Variants in CNTNAP2 observed in about 807,000 individuals in gnomAD.
The protein encoded by CNTNAP2 is contactin-associated protein-like 2.
Under a neutral mutation model 155.2 loss-of-function variants are expected in CNTNAP2, and 98 were observed. The ratio of observed to expected loss-of-function variants is 0.63; its 90% CI spans 0.54 to 0.75. CNTNAP2 has a LOEUF of 0.75. Among genes scored for constraint, CNTNAP2 ranks in the 30% least tolerant of loss-of-function variants. CNTNAP2 has a pLI of 0.00. For missense variants in CNTNAP2, 1,727 were observed against 1,688.1 expected, an observed-to-expected ratio of 1.02 and a Z score of -0.40; for synonymous variants, 651 against 631.2, an observed-to-expected ratio of 1.03 and a Z score of -0.47.
At chr7:146,418,677 C>T (rs1157220837) in intron 1 of CNTNAP2, among the ~76,000 whole-genome samples, 1 of 152,080 alleles carries the variant, frequency 6.6e-6, no homozygotes, top group Non-Finnish European at 1.5e-5. Flanking sequence ...TCACCTGTAA[C>T]CCCAGGAAAC....
intron 2 of CNTNAP2, among the ~76,000 whole-genome samples, chr7:146,800,892 C>T (rs1351113896): frequency 6.6e-6 from 1 of 151,768 alleles, no homozygotes; most frequent in African/African-American, 2.4e-5. Context: ...AATTTTTTCC[C>T]ACATGCAATG....
intron 1 of CNTNAP2, among the ~76,000 whole-genome samples, chr7:146,243,345 G>A (rs1443593796): frequency 6.6e-6 from 1 of 151,528 alleles, no homozygotes; most frequent in Non-Finnish European, 1.5e-5. Flanking sequence ...TTATATTTTT[G>A]CATTGCCATT....
At chr7:147,074,103 C>T (rs1437949115) in intron 4 of CNTNAP2, among the ~76,000 whole-genome samples, 1 of 152,130 alleles carries the variant, frequency 6.6e-6, no homozygotes, top group Non-Finnish European at 1.5e-5. Context: ...ATTCTATTCA[C>T]CCTGGCTGAA....
chr7:147,400,865 A>G (rs752144), intron 10 of CNTNAP2, among the ~76,000 whole-genome samples: 4,178 of 152,280 alleles, frequency 0.027, 190 homozygotes, highest in African/African-American at 0.095. Context: ...TCACTTATCT[A>G]AGTAATTATG....
At chr7:147,650,762 G>T (rs1795437752) in intron 13 of CNTNAP2, among the ~76,000 whole-genome samples, 1 of 152,076 alleles carries the variant, frequency 6.6e-6, no homozygotes, top group Non-Finnish European at 1.5e-5. Context: ...TGCACAGGGG[G>T]TTGGTGCCCC....
chr7:147,319,679 T>C (rs985003493), intron 9 of CNTNAP2, among the ~76,000 whole-genome samples: 1 of 152,024 alleles, frequency 6.6e-6, no homozygotes, highest in Admixed American at 6.6e-5. Flanking sequence ...CACCCAGAAA[T>C]GAGTAATGTT....
chr7:147,586,642 G>T (rs988208082), intron 12 of CNTNAP2, among the ~76,000 whole-genome samples: 1 of 151,708 alleles, frequency 6.6e-6, no homozygotes, highest in Non-Finnish European at 1.5e-5. Context: ...GAAACAAAAC[G>T]GAAATACCCT....
chr7:147,647,982 A>G (rs1020644128), intron 13 of CNTNAP2, among the ~76,000 whole-genome samples: 2 of 152,178 alleles, frequency 1.3e-5, no homozygotes, highest in African/African-American at 4.8e-5. Context: ...GTTTCATGTC[A>G]GTGGAGTTTG....
intron 10 of CNTNAP2, among the ~76,000 whole-genome samples, chr7:147,482,272 G>GT (rs1798434518): frequency 6.6e-6 from 1 of 151,990 alleles, no homozygotes; most frequent in African/African-American, 2.4e-5. Context: ...TTAGTATTTT[G>GT]TTTTGCTTGG....
chr7:147,019,562 T>C (rs1798784524), intron 3 of CNTNAP2, among the ~76,000 whole-genome samples: 1 of 152,110 alleles, frequency 6.6e-6, no homozygotes, highest in Non-Finnish European at 1.5e-5. Flanking sequence ...GCTGTCAGTA[T>C]TGGAATATTC....
At chr7:147,677,803 C>T (rs957408965) in intron 13 of CNTNAP2, among the ~76,000 whole-genome samples, 2 of 151,490 alleles carry the variant, frequency 1.3e-5, no homozygotes, top group African/African-American at 2.4e-5. Flanking sequence ...GTTCATAGTA[C>T]CTTTGTTGAA....
intron 1 of CNTNAP2, among the ~76,000 whole-genome samples, chr7:146,338,877 A>AT (rs34908082): frequency 9.0e-4 from 134 of 149,118 alleles, no homozygotes; most frequent in Non-Finnish European, 1.5e-3. Context: ...TACAGAAAAG[A>AT]TTTTTTTTTT....
At position 148,131,087 on chromosome 7, in the gene CNTNAP2, C is replaced by CTTTTTTTTTTTTTTTTT. The variant is rs755587892; in HGVS notation, c.2554+12809_2554+12825dup. On this transcript the variant is annotated intron_variant, in intron 16 of 23. Transcript: ENST00000361727. Reference sequence around the variant, plus strand: ...ACGTTTTCTTTTCTCTTTTCTTCTTCTTTTTTTTTTTTTTTTTTTTTTTTT... The same window carrying CTTTTTTTTTTTTTTTTT: ...ACGTTTTCTTTTCTCTTTTCTTCTTCTTTTTTTTTTTTTTTTTTTTTTTTTTTTTTTTTTTTTTTTTT... 4.1e-5 allele frequency among the ~76,000 whole-genome samples: 4 copies of CTTTTTTTTTTTTTTTTT among 97,180 alleles called. 1 individual carries two copies. Among genetic ancestry groups the CTTTTTTTTTTTTTTTTT allele is most frequent in the Admixed American group, 2.2e-4 (2 of 9,114 alleles). The allele number at this position is 97,180 out of a possible 152,430, so 63.8% of individuals were successfully genotyped here. A position where few individuals can be genotyped will look rare whatever the true frequency, so the allele number is the denominator to read the frequency against.
chr7:146,555,664 A>G (rs1798188319), intron 1 of CNTNAP2, among the ~76,000 whole-genome samples: 1 of 152,208 alleles, frequency 6.6e-6, no homozygotes, highest in South Asian at 2.1e-4. Context: ...ACTACAAAAC[A>G]ATATTATGTT....
At chr7:146,560,821 C>T (rs1798269166) in intron 1 of CNTNAP2, among the ~76,000 whole-genome samples, 1 of 152,122 alleles carries the variant, frequency 6.6e-6, no homozygotes, top group African/African-American at 2.4e-5. Flanking sequence ...TCCAAAGCTT[C>T]AACATACTCT....
In CNTNAP2 at chr7:147,729,821, T is replaced by C. The variant is rs144330446; in HGVS notation, c.2098+90515T>C. Among the ~76,000 whole-genome samples the C allele has an allele frequency of 9.7e-3, 1,469 of 152,198 alleles. 6 individuals carry two copies. The highest frequency in any genetic ancestry group is 0.016 in the Non-Finnish European group (1,063 of 67,976). ...GATTTAGGTGTTGAAGGGATGATTC[T>C]GGCACCATTATAGAACATGACTTTT... On this transcript the variant is annotated intron_variant, in intron 13 of 23. Transcript: ENST00000361727.
At chr7:147,289,735 A>C (rs1411611207) in intron 8 of CNTNAP2, among the ~76,000 whole-genome samples, 1 of 152,190 alleles carries the variant, frequency 6.6e-6, no homozygotes, top group African/African-American at 2.4e-5. Context: ...ATGAACATTT[A>C]GTCTTGGGGT....
intron 2 of CNTNAP2, among the ~76,000 whole-genome samples, chr7:146,777,902 G>T (rs530423946): frequency 1.6e-5 from 2 of 128,370 alleles, no homozygotes; most frequent in East Asian, 2.4e-4. Context: ...AGAGAAAAGA[G>T]ATTTTTTTTT....
rs114588288 is a variant in CNTNAP2, at chr7:147,127,109, G to A, written c.940-1584G>A. 6.0e-3 allele frequency among the ~76,000 whole-genome samples: 906 copies of A among 152,232 alleles called. 2 individuals are homozygous for A. The highest frequency in any genetic ancestry group is 0.02 in the African/African-American group (821 of 41,522). On this transcript the variant is annotated intron_variant, in intron 6 of 23. Coordinates refer to ENST00000361727, the MANE Select transcript of CNTNAP2 (RefSeq NM_014141.6). ...TTCAAAAAGATTGTAAACAGGAGAC[G>A]TAGTACTCCATTTTAGTATCAAAAA...
Sources: gnomAD v4.1 joint callset for allele counts (sites outside exome capture counted in the v4.1 genomes callset) on GRCh38, gnomAD v4.1.1 for gene constraint, MANE v1.5 for transcripts, NCBI Gene and HGNC (gene_info 2026-07-23, HGNC 2026-07-21) for gene names.